The following PTPRD variants were observed in gnomAD, a reference collection of about 807,000 sequenced individuals.
PTPRD encodes the protein protein tyrosine phosphatase receptor type D.
PTPRD carries 34 observed loss-of-function variants against 214.5 expected under a neutral mutation model. The ratio of observed to expected loss-of-function variants is 0.16; its 90% CI spans 0.12 to 0.21. The LOEUF is 0.21. Among genes scored for constraint, PTPRD ranks in the 10% least tolerant of loss-of-function variants. The pLI is 1.00. For synonymous variants in PTPRD, 1,128 were observed against 845.7 expected, an observed-to-expected ratio of 1.33 and a Z score of -5.79; for missense variants, 2,545 against 2,398.7, an observed-to-expected ratio of 1.06 and a Z score of -1.27.
chr9:9,633,036 T>C (rs918326832), intron 7 of PTPRD, among the ~76,000 whole-genome samples: 1 of 152,146 alleles, frequency 6.6e-6, no homozygotes, highest in Non-Finnish European at 1.5e-5. Flanking sequence ...GGTTCACGCC[T>C]ATAATCCCAG....
rs142293049 is a variant in PTPRD, at chr9:9,393,720, C to G, written c.-203+3729G>C. On this transcript the variant is annotated intron_variant, in intron 9 of 45. Transcript: ENST00000381196. ...TGACTTGGTGAGTAGTTTAAGCTTT[C>G]TAATCCTCAGATTCTTGAGCTCTAA... Among the ~76,000 whole-genome samples the G allele has an allele frequency of 6.4e-3, 968 of 152,240 alleles. 12 individuals carry two copies. Among genetic ancestry groups the G allele is most frequent in the African/African-American group, 0.022 (906 of 41,542 alleles).
At chr9:9,682,592 G>T (rs1275381943) in intron 7 of PTPRD, among the ~76,000 whole-genome samples, 1 of 151,738 alleles carries the variant, frequency 6.6e-6, no homozygotes, top group Non-Finnish European at 1.5e-5. Flanking sequence ...AGGGAAGGGA[G>T]TTACCAGCTT....
intron 43 of PTPRD, among the ~76,000 whole-genome samples, chr9:8,335,700 A>G (rs983647968): frequency 5.9e-5 from 9 of 152,280 alleles, no homozygotes. Flanking sequence ...AGGAAGTGAA[A>G]TTGTCTCTGT....
At chr9:10,321,240 G>C (rs2096547180) in intron 3 of PTPRD, among the ~76,000 whole-genome samples, 1 of 152,090 alleles carries the variant, frequency 6.6e-6, no homozygotes, top group African/African-American at 2.4e-5. Context: ...CTGTAAGAGA[G>C]TGTCTGATAC....
intron 9 of PTPRD, among the ~76,000 whole-genome samples, chr9:9,236,458 T>C (rs1239309091): frequency 6.6e-6 from 1 of 151,700 alleles, no homozygotes. Context: ...AATCCACCCA[T>C]AAATTCTCCT....
chr9:8,802,527 C>T (rs1322285311), intron 11 of PTPRD, among the ~76,000 whole-genome samples: 2 of 152,126 alleles, frequency 1.3e-5, no homozygotes, highest in African/African-American at 4.8e-5. Flanking sequence ...ATAGCCTGTG[C>T]CTAAGGGAAA....
chr9:8,665,390 T>C (rs2097150372), intron 12 of PTPRD, among the ~76,000 whole-genome samples: 1 of 152,188 alleles, frequency 6.6e-6, no homozygotes, highest in Non-Finnish European at 1.5e-5. Context: ...TGGAGCTTGC[T>C]TTTAATGTAA....
intron 3 of PTPRD, among the ~76,000 whole-genome samples, chr9:10,275,458 T>A (rs2154385616): frequency 6.6e-6 from 1 of 152,198 alleles, no homozygotes; most frequent in South Asian, 2.1e-4. Context: ...AGAATTGATG[T>A]ACTTATAAAT....
chr9:8,979,420 C>G (rs2099293397), intron 11 of PTPRD, among the ~76,000 whole-genome samples: 1 of 151,840 alleles, frequency 6.6e-6, no homozygotes, highest in South Asian at 2.1e-4. Context: ...TTCTTCACAA[C>G]AAAGAAAATA....
At chr9:9,223,418 C>T (rs2099957452) in intron 9 of PTPRD, among the ~76,000 whole-genome samples, 1 of 151,992 alleles carries the variant, frequency 6.6e-6, no homozygotes, top group Non-Finnish European at 1.5e-5. Context: ...TGTTAAACAG[C>T]AGTTTCAGCA....
intron 12 of PTPRD, among the ~76,000 whole-genome samples, chr9:8,726,588 AATATATATATATATATATATAT>A (rs1162966341): frequency 4.1e-4 from 4 of 9,690 alleles, no homozygotes; most frequent in Non-Finnish European, 7.4e-4. Flanking sequence ...AAAAAAAAAA[AATATATATATATATATATATAT>A]ATATATATAT....
At chr9:8,861,346 C>G (rs1426058457) in intron 11 of PTPRD, 1 of 152,086 alleles carries the variant, frequency 6.6e-6, no homozygotes, top group Non-Finnish European at 1.5e-5. Context: ...GGTTGCGAAT[C>G]TAGTGGGTCA....
intron 4 of PTPRD, among the ~76,000 whole-genome samples, chr9:9,958,879 A>G (rs2154020136): frequency 6.6e-6 from 1 of 152,322 alleles, no homozygotes. Context: ...ACCAAATGCT[A>G]GTGAGAATGT....
intron 7 of PTPRD, among the ~76,000 whole-genome samples, chr9:9,725,958 G>C (rs769757952): frequency 3.9e-5 from 6 of 152,058 alleles, no homozygotes; most frequent in Non-Finnish European, 7.4e-5. Flanking sequence ...TCATGTAAAA[G>C]ACAAGACAAA....
rs190444446 is a variant in PTPRD, at chr9:9,203,826, T to C, written c.-202-20463A>G. ...AAAGGTCTTAGGAAATATGAAATTC[T>C]TATGTAGAAAATGGCTATTTTAGAG... is the stretch of plus-strand genomic sequence containing the variant. On this transcript the variant is annotated intron_variant, in intron 9 of 45. Coordinates refer to ENST00000381196, the MANE Select transcript of PTPRD (RefSeq NM_002839.4). Among the ~76,000 whole-genome samples, 307 of 152,332 alleles carry C rather than the reference T, an allele frequency of 2.0e-3. 2 individuals carry two copies. Among genetic ancestry groups the C allele is most frequent in the South Asian group, 5.8e-3 (28 of 4,832 alleles).
intron 6 of PTPRD, among the ~76,000 whole-genome samples, chr9:9,736,843 T>G (rs905840477): frequency 6.6e-6 from 1 of 152,056 alleles, no homozygotes; most frequent in African/African-American, 2.4e-5. Flanking sequence ...AGTCCTTTGT[T>G]GGTTATATAT....
intron 9 of PTPRD, among the ~76,000 whole-genome samples, chr9:9,209,932 T>A (rs372426355): frequency 3.0e-4 from 45 of 152,256 alleles, no homozygotes; most frequent in African/African-American, 1.1e-3. Flanking sequence ...ATATTTTCAT[T>A]GGTTCCTCCT....
At chr9:9,928,982 A>G (rs567193836) in intron 5 of PTPRD, among the ~76,000 whole-genome samples, 1 of 152,330 alleles carries the variant, frequency 6.6e-6, no homozygotes, top group East Asian at 1.9e-4. Flanking sequence ...GACTATTTAG[A>G]ACAAATAAAT....
At chr9:8,796,602 G>A (rs1032830248) in intron 11 of PTPRD, among the ~76,000 whole-genome samples, 2 of 152,060 alleles carry the variant, frequency 1.3e-5, no homozygotes, top group African/African-American at 4.8e-5. Flanking sequence ...TTATTTGGAT[G>A]ACAGTAACTT....
Sources: allele counts gnomAD v4.1 joint callset (sites outside exome capture counted in the v4.1 genomes callset), GRCh38; gene constraint gnomAD v4.1.1; transcripts MANE v1.5; gene names NCBI Gene and HGNC (gene_info 2026-07-23, HGNC 2026-07-21).